Variants in ADGRD1 observed in about 807,000 individuals in gnomAD.
ADGRD1 encodes the protein adhesion G protein-coupled receptor D1.
Under a neutral mutation model 113.4 loss-of-function variants are expected in ADGRD1, and 77 were observed. That is an observed-to-expected ratio of 0.68 (90% CI 0.57 to 0.82). The LOEUF (loss-of-function observed/expected upper bound fraction) is 0.82. ADGRD1 is among the 40% of genes least tolerant of loss of function. The probability of loss-of-function intolerance (pLI) is 0.00; values close to 1 mark genes in which losing one functional copy is unlikely to be tolerated. For synonymous variants in ADGRD1, 474 were observed against 475.0 expected (o/e 1.00, Z 0.03); for missense variants, 1,036 against 1,139.1 (o/e 0.91, Z 1.30).
intron 18 of ADGRD1, among the ~76,000 whole-genome samples, chr12:131,111,773 T>G (rs1950352031): frequency 2.6e-5 from 4 of 152,210 alleles, no homozygotes; most frequent in African/African-American, 9.6e-5. Flanking sequence ...CATTTGGCTC[T>G]TTTTTTAGAA....
intron 8 of ADGRD1, among the ~76,000 whole-genome samples, chr12:130,995,020 A>T (rs530943007): frequency 1.3e-5 from 2 of 152,318 alleles, no homozygotes; most frequent in Admixed American, 6.5e-5. Flanking sequence ...ACGGGCTAGA[A>T]GGGTCTGTCT....
At chr12:131,128,295 T>G (rs995203306) in intron 20 of ADGRD1, among the ~76,000 whole-genome samples, 1 of 150,904 alleles carries the variant, frequency 6.6e-6, no homozygotes, top group Non-Finnish European at 1.5e-5. Flanking sequence ...TGAGCTCAGG[T>G]GGGGTGTTGG....
At chr12:131,098,848 G>T (rs909761388) in intron 15 of ADGRD1, among the ~76,000 whole-genome samples, 1 of 152,236 alleles carries the variant, frequency 6.6e-6, no homozygotes, top group African/African-American at 2.4e-5. Context: ...TGCACAGTAG[G>T]TGCTGAATAC....
At chr12:131,097,581 A>G (rs1438609534) in intron 15 of ADGRD1, among the ~76,000 whole-genome samples, 1 of 152,138 alleles carries the variant, frequency 6.6e-6, no homozygotes, top group East Asian at 1.9e-4. Flanking sequence ...TGGCCGCCAA[A>G]CCAGGGATGC....
At position 130,966,949 on chromosome 12, in the gene ADGRD1, G is replaced by C; in HGVS notation, c.187+403G>C. On this transcript the variant is annotated intron_variant, in intron 3 of 24. Coordinates refer to ENST00000261654, the MANE Select transcript of ADGRD1 (RefSeq NM_198827.5). This position sits in a 1 kb window ranked among gnomAD's most constrained non-coding sequence, Gnocchi z 4.6. ...AGCATTTTACTAGAATTTTTATAGA[G>C]AGAGCTATTGCGTATTGAATGGGAG... The C allele has an allele frequency of 4.6e-6, 2 of 438,420 alleles. No homozygotes were observed. The highest frequency in any genetic ancestry group is 9.5e-6 in the Non-Finnish European group (2 of 211,524). The allele number at this position is 438,420 out of a possible 1,614,324, so 27.2% of individuals were successfully genotyped here.
chr12:131,096,652 G>A lies in ADGRD1; in HGVS notation c.1672-8179G>A, dbSNP rs900793076. ...AGGTTTACATCCCGCCTCCATCTGT[G>A]AGGATGGGTTCCCGTGGGGCACTGC... On this transcript the variant is annotated intron_variant, in intron 15 of 24. Transcript: ENST00000261654. This position sits in a 1 kb window ranked among gnomAD's most constrained non-coding sequence, Gnocchi z 5.2. 3.3e-5 allele frequency among the ~76,000 whole-genome samples: 5 copies of A among 151,954 alleles called. No homozygotes were observed. The highest frequency in any genetic ancestry group is 1.2e-4 in the African/African-American group (5 of 41,346).
intron 6 of ADGRD1, 147 bp downstream of exon 6, chr12:130,987,496 T>A: frequency 1.3e-6 from 1 of 798,108 alleles, no homozygotes; most frequent in Non-Finnish European, 2.0e-6. Context: ...AACACAGTTG[T>A]GTGTTAGAAC....
chr12:131,057,382 G>A lies in ADGRD1; in HGVS notation c.1474-19419G>A, dbSNP rs1033241745. On this transcript the variant is annotated intron_variant, in intron 13 of 24. Coordinates refer to ENST00000261654, the MANE Select transcript of ADGRD1 (RefSeq NM_198827.5). The surrounding 1 kb of genome is among the most constrained non-coding windows in gnomAD (Gnocchi z 4.2). ...CAGATGGCAGCGGAGCCGAGTCTGC[G>A]CTGCTGTGGCCGTTTCCTAGGGCCA... is the stretch of plus-strand genomic sequence containing the variant. Among the ~76,000 whole-genome samples, 6 of 152,194 alleles carry A rather than the reference G, an allele frequency of 3.9e-5. No homozygotes were observed. The highest frequency in any genetic ancestry group is 1.4e-4 in the African/African-American group (6 of 41,446).
chr12:131,004,121 A>G (rs1876770258), intron 10 of ADGRD1, 65 bp from the exon 11 acceptor site: 2 of 965,552 alleles, frequency 2.1e-6, no homozygotes, highest in African/African-American at 3.2e-5. Context: ...GGGGTTTTGC[A>G]GTCTGATTTC....
At chr12:131,031,194 C>T (rs1388930839) in intron 13 of ADGRD1, among the ~76,000 whole-genome samples, 1 of 152,206 alleles carries the variant, frequency 6.6e-6, no homozygotes, top group Non-Finnish European at 1.5e-5. Context: ...CTCCCTGCCT[C>T]CCACCCTCCC....
At chr12:131,121,686 C>A (rs1440641615) in intron 20 of ADGRD1, among the ~76,000 whole-genome samples, 2 of 152,192 alleles carry the variant, frequency 1.3e-5, no homozygotes, top group African/African-American at 4.8e-5. Flanking sequence ...GGCCCCAACT[C>A]AGTGTTTAAA....
At chr12:130,957,850 T>G (rs1869847130) in intron 2 of ADGRD1, 1 of 152,202 alleles carries the variant, frequency 6.6e-6, no homozygotes, top group Non-Finnish European at 1.5e-5. Context: ...ACCGCAAGGT[T>G]TCTCTCTCCT....
intron 20 of ADGRD1, among the ~76,000 whole-genome samples, chr12:131,131,333 A>C (rs1360370696): frequency 6.6e-6 from 1 of 152,206 alleles, no homozygotes; most frequent in Non-Finnish European, 1.5e-5. Flanking sequence ...CACATTGAGC[A>C]GTCGTTTGCA....
Position 130,966,396 on chromosome 12 carries a change from C to T in ADGRD1, c.104-67C>T, listed in dbSNP as rs1870992976. On this transcript the variant is annotated intron_variant, in intron 2 of 24. Coordinates refer to ENST00000261654, the MANE Select transcript of ADGRD1 (RefSeq NM_198827.5). The surrounding 1 kb of genome is among the most constrained non-coding windows in gnomAD (Gnocchi z 4.6). ...CTTCCCCCATAATGTGTGTGCTAAG[C>T]GGTTCTTACCCTCTGGTTCTTTCCT... The T allele has an allele frequency of 1.7e-5, 16 of 947,582 alleles. No individual in the cohort carries two copies. Among genetic ancestry groups the T allele is most frequent in the Admixed American group, 5.1e-5 (3 of 58,596 alleles). The allele number at this position is 947,582 out of a possible 1,614,324, so 58.7% of individuals were successfully genotyped here. A position where few individuals can be genotyped will look rare whatever the true frequency, so the allele number is the denominator to read the frequency against.
Position 130,966,440 on chromosome 12 carries a change from A to AC in ADGRD1, c.104-23_104-22insC. 6.5e-7 allele frequency: 1 copy of AC among 1,532,150 alleles called. No homozygotes were observed. Among genetic ancestry groups the AC allele is most frequent in the Non-Finnish European group, 9.0e-7 (1 of 1,105,676 alleles). 94.9% of individuals were successfully genotyped at this position (1,532,150 alleles called of 1,614,324 possible). On this transcript the variant is annotated intron_variant, in intron 2 of 24. Transcript: ENST00000261654. The surrounding 1 kb of genome is among the most constrained non-coding windows in gnomAD (Gnocchi z 4.6). ...CTTTCCTCTCTAATGATGATTTAAA[A>AC]TTTTTATTCTTTTTTCCCCAAGGAT...
chr12:131,094,213 C>T (rs1427914092), intron 15 of ADGRD1, among the ~76,000 whole-genome samples: 2 of 152,178 alleles, frequency 1.3e-5, no homozygotes, highest in Non-Finnish European at 2.9e-5. Context: ...AGTGAAGTCA[C>T]AGTGAGCCAT....
chr12:131,010,884 C>A (rs1244442931), intron 12 of ADGRD1, among the ~76,000 whole-genome samples: 1 of 152,168 alleles, frequency 6.6e-6, no homozygotes, highest in Non-Finnish European at 1.5e-5. Flanking sequence ...GCCCCCGGGG[C>A]AGCGACTGTG....
At chr12:130,992,566 T>C (rs1254986626) in intron 8 of ADGRD1, 174 bp downstream of exon 8, 3 of 581,570 alleles carry the variant, frequency 5.2e-6, no homozygotes, top group Middle Eastern at 4.6e-4. Flanking sequence ...TGGCCAGCTC[T>C]GTACAGCTCA....
intron 13 of ADGRD1, among the ~76,000 whole-genome samples, chr12:131,019,001 G>A (rs551226720): frequency 1.5e-4 from 23 of 152,340 alleles, no homozygotes; most frequent in Admixed American, 9.8e-4. Context: ...GTAGGCCTCC[G>A]GTTCAGAACA....
Sources: gnomAD v4.1 joint callset for allele counts (sites outside exome capture counted in the v4.1 genomes callset) on GRCh38, gnomAD v4.1.1 for gene constraint, Gnocchi (gnomAD v3.1) non-coding constraint, MANE v1.5 for transcripts, NCBI Gene and HGNC (gene_info 2026-07-23, HGNC 2026-07-21) for gene names.